OSBPL9: variants seen among roughly 807,000 people sequenced by gnomAD.
The protein encoded by OSBPL9 is oxysterol-binding protein-related protein 9.
A neutral mutation model predicts 106.6 loss-of-function variants in OSBPL9; 40 were observed. That is an observed-to-expected ratio of 0.38 (90% CI 0.29 to 0.49). The LOEUF is 0.49. OSBPL9 is among the 20% of genes least tolerant of loss of function. The pLI, the probability that OSBPL9 is intolerant of heterozygous loss-of-function variation, is 0.97. For missense variants in OSBPL9, 609 were observed against 887.2 expected (o/e 0.69, Z 3.98); for synonymous variants, 269 against 295.4 (o/e 0.91, Z 0.92).
the OSBPL9 span, among the ~76,000 whole-genome samples, chr1:51,542,075 A>T: frequency 6.6e-6 from 1 of 152,080 alleles, no homozygotes; most frequent in Non-Finnish European, 1.5e-5. Context: ...TTTAGTAGAG[A>T]TGGGGTTTCA....
chr1:51,687,899 T>C (rs1203459363), intron 3 of OSBPL9, among the ~76,000 whole-genome samples: 3 of 152,086 alleles, frequency 2.0e-5, no homozygotes, highest in Non-Finnish European at 4.4e-5. Context: ...AGAAGTGAGA[T>C]TGGAGACAAG....
intron 4 of OSBPL9, among the ~76,000 whole-genome samples, chr1:51,720,607 G>A (rs1357088422): frequency 6.6e-6 from 1 of 152,032 alleles, no homozygotes; most frequent in African/African-American, 2.4e-5. Context: ...ACAGGCGTGA[G>A]CCACCGCGCC....
At chr1:51,677,277 A>G (rs1176699177) in intron 3 of OSBPL9, among the ~76,000 whole-genome samples, 2 of 152,220 alleles carry the variant, frequency 1.3e-5, no homozygotes, top group Admixed American at 1.3e-4. Context: ...ATGGTTAAAC[A>G]TGTTATTCCA....
intron 2 of OSBPL9, among the ~76,000 whole-genome samples, chr1:51,655,756 GA>G (rs1646779293): frequency 6.6e-6 from 1 of 152,134 alleles, no homozygotes; most frequent in Non-Finnish European, 1.5e-5. Context: ...GTGGAAAAGG[GA>G]AGCTATCATA....
chr1:51,553,576 T>TGCA, the OSBPL9 span, among the ~76,000 whole-genome samples: 2 of 151,926 alleles, frequency 1.3e-5, no homozygotes, highest in South Asian at 4.2e-4. Context: ...GTAGCTCCCT[T>TGCA]CTAGATCAAT....
At chr1:51,524,264 G>A in the OSBPL9 span, among the ~76,000 whole-genome samples, 1 of 152,226 alleles carries the variant, frequency 6.6e-6, no homozygotes, top group African/African-American at 2.4e-5. Context: ...CGCAGGGTGT[G>A]ATAGAACAGT....
chr1:51,595,599 G>C (rs1444924272), intron 1 of OSBPL9, among the ~76,000 whole-genome samples: 1 of 152,138 alleles, frequency 6.6e-6, no homozygotes, highest in Non-Finnish European at 1.5e-5. Flanking sequence ...ATGGGCAAAG[G>C]CCAGAGAAGC....
the OSBPL9 span, chr1:51,567,053 G>A: frequency 3.3e-5 from 5 of 152,082 alleles, no homozygotes; most frequent in African/African-American, 7.2e-5. Flanking sequence ...TTCTCAAGTC[G>A]CTGTGACTTT....
chr1:51,748,568 A>G (rs769834095), intron 7 of OSBPL9, among the ~76,000 whole-genome samples, 170 bp downstream of exon 7: 6 of 152,226 alleles, frequency 3.9e-5, no homozygotes, highest in Non-Finnish European at 8.8e-5. Flanking sequence ...TTAAAATAAT[A>G]CTAATAGAAT....
chr1:51,692,558 A>G (rs1326277348), intron 3 of OSBPL9, among the ~76,000 whole-genome samples: 1 of 151,882 alleles, frequency 6.6e-6, no homozygotes, highest in African/African-American at 2.4e-5. Context: ...ATCTTACAGG[A>G]CCACTGTCAT....
chr1:51,650,513 C>G (rs1239309587), intron 1 of OSBPL9, among the ~76,000 whole-genome samples: 1 of 152,074 alleles, frequency 6.6e-6, no homozygotes, highest in Non-Finnish European at 1.5e-5. Flanking sequence ...CTTTTCAACT[C>G]TGCTTGGTAT....
At chr1:51,776,774 TAG>T in intron 14 of OSBPL9, 57 bp from the exon 15 acceptor site, 6 of 1,085,010 alleles carry the variant, frequency 5.5e-6, no homozygotes, top group Middle Eastern at 2.1e-4. Flanking sequence ...TTTTTTTTTT[TAG>T]TCTGTTTATC....
intron 4 of OSBPL9, among the ~76,000 whole-genome samples, chr1:51,718,824 T>C (rs1029168006): frequency 1.3e-5 from 2 of 152,252 alleles, no homozygotes; most frequent in African/African-American, 4.8e-5. Context: ...TCAACAGTTC[T>C]TAGTGACTTC....
chr1:51,709,161 A>C (rs1659269636), intron 3 of OSBPL9: 1 of 161,110 alleles, frequency 6.2e-6, no homozygotes, highest in African/African-American at 2.4e-5. Flanking sequence ...TGAGCCAGTC[A>C]AGGCACTGCT....
chr1:51,771,313 C>T (rs962864403), intron 12 of OSBPL9, among the ~76,000 whole-genome samples: 16 of 151,900 alleles, frequency 1.1e-4, no homozygotes, highest in Admixed American at 1.0e-3. Flanking sequence ...AATTGTGTGC[C>T]TTTTTTATTT....
At chr1:51,581,564 C>T (rs1381734836) in intron 1 of OSBPL9, among the ~76,000 whole-genome samples, 1 of 152,186 alleles carries the variant, frequency 6.6e-6, no homozygotes, top group Non-Finnish European at 1.5e-5. Context: ...ATTTGGAATT[C>T]TTCTGTACAG....
chr1:51,534,152 T>C, the OSBPL9 span, among the ~76,000 whole-genome samples: 66 of 151,170 alleles, frequency 4.4e-4, no homozygotes, highest in East Asian at 5.3e-3. Flanking sequence ...TGCAGTGAGC[T>C]GAGATCGTGC....
the OSBPL9 span, among the ~76,000 whole-genome samples, chr1:51,570,088 T>G: frequency 4.4e-4 from 67 of 152,288 alleles, no homozygotes; most frequent in African/African-American, 1.6e-3. Flanking sequence ...TTCTACAACT[T>G]TACAAAACAA....
chr1:51,555,470 A>T, the OSBPL9 span, among the ~76,000 whole-genome samples: 1 of 152,106 alleles, frequency 6.6e-6, no homozygotes, highest in Non-Finnish European at 1.5e-5. Flanking sequence ...AGCCTGGGCA[A>T]CAAAAAAGGT....
Sources: allele counts gnomAD v4.1 joint callset (sites outside exome capture counted in the v4.1 genomes callset), GRCh38; gene constraint gnomAD v4.1.1; transcripts MANE v1.5; gene names NCBI Gene and HGNC (gene_info 2026-07-23, HGNC 2026-07-21).